The following CUL3 variants were observed in gnomAD, a reference collection of about 807,000 sequenced individuals.
CUL3 encodes cullin-3.
Under a neutral mutation model 89.1 loss-of-function variants are expected in CUL3, and 19 were observed. The ratio of observed to expected loss-of-function variants is 0.21; its 90% CI spans 0.15 to 0.31. The LOEUF is 0.31. Ranked by LOEUF, CUL3 falls within the 10% of genes least tolerant of loss-of-function variation. The pLI is 1.00. For missense variants in CUL3, 469 were observed against 942.3 expected, an observed-to-expected ratio of 0.50 and a Z score of 6.58; for synonymous variants, 351 against 308.4, an observed-to-expected ratio of 1.14 and a Z score of -1.45.
intron 1 of CUL3, 40 bp from the exon 2 acceptor site, chr2:224,557,896 A>AC: frequency 8.7e-7 from 1 of 1,153,512 alleles, no homozygotes; most frequent in Non-Finnish European, 1.2e-6. Flanking sequence ...AAAAAAAAAA[A>AC]AAAAAAAAAC....
Position 224,471,629 on chromosome 2 carries a change from T to A in CUL3, c.*2616A>T, listed in dbSNP as rs182650154. The A allele has an allele frequency of 4.3e-5, 9 of 211,608 alleles. No individual in the cohort carries two copies. In the East Asian group the frequency reaches 5.7e-4, roughly 13 times the overall value. The allele number at this position is 211,608 out of a possible 1,614,324, so 13.1% of individuals were successfully genotyped here. On this transcript the variant is annotated 3_prime_UTR_variant, in exon 16 of 16. Coordinates refer to ENST00000264414, the MANE Select transcript of CUL3 (RefSeq NM_003590.5). Reference sequence around the variant, plus strand: ...TAGCATACCTTTAGAAAGGCATGCATCTCTTCCCCCATTCCCTTTTTAAGT... The same window carrying A: ...TAGCATACCTTTAGAAAGGCATGCAACTCTTCCCCCATTCCCTTTTTAAGT...
At chr2:224,552,529 A>G (rs559733179) in intron 2 of CUL3, among the ~76,000 whole-genome samples, 3 of 152,336 alleles carry the variant, frequency 2.0e-5, no homozygotes, top group African/African-American at 7.2e-5. Context: ...ACAATCAGCT[A>G]CAACAATCCC....
intron 12 of CUL3, among the ~76,000 whole-genome samples, chr2:224,497,188 G>A (rs1211687235): frequency 6.6e-6 from 1 of 151,778 alleles, no homozygotes; most frequent in African/African-American, 2.4e-5. Flanking sequence ...ATTTTCTGAA[G>A]GCAAAAAATC....
intron 15 of CUL3, among the ~76,000 whole-genome samples, chr2:224,476,309 G>A (rs1337395509): frequency 3.3e-5 from 5 of 152,222 alleles, no homozygotes; most frequent in South Asian, 4.1e-4. Flanking sequence ...GAGCCACCGC[G>A]AGTCACACGC....
chr2:224,567,620 G>A (rs1019242852), intron 1 of CUL3, among the ~76,000 whole-genome samples: 1 of 151,766 alleles, frequency 6.6e-6, no homozygotes. Flanking sequence ...GGCGCCTGTC[G>A]TCCCAGCTAC....
Position 224,506,943 on chromosome 2 carries a change from T to C in CUL3, c.944A>G (p.Glu315Gly). 6.2e-7 allele frequency: 1 copy of C among 1,613,572 alleles called. No homozygotes were observed. Reference protein sequence around the residue: ...RVPNGLKTMCECMSSYLREQG... With the variant: ...RVPNGLKTMCGCMSSYLREQG... The stretch of plus-strand genomic sequence containing the variant: ...CTCCCTCAAATAGGAACTCATACAC[T>C]CACACATTGTTTTCAAACCATTTGG... The change falls in exon 7 of 16, where the codon GAG (glutamate) becomes GGG (glycine). Residue 315 changes from glutamate to glycine, a missense_variant. Glu to Gly is a moderately conservative substitution (Grantham distance 98). Around this residue, in one of 4 missense-constraint regions of CUL3, gnomAD observed 370 missense variants for 733.2 expected, o/e 0.50. Transcript: ENST00000264414.
intron 1 of CUL3, among the ~76,000 whole-genome samples, chr2:224,578,795 A>T (rs533279055): frequency 3.2e-4 from 48 of 152,304 alleles, no homozygotes; most frequent in Non-Finnish European, 6.0e-4. Flanking sequence ...ACTAAAGACC[A>T]TCCATGTACT....
At chr2:224,500,627 C>CTTT (rs11350781) in intron 10 of CUL3, 140 bp from the exon 11 acceptor site, 455 of 396,020 alleles carry the variant, frequency 1.1e-3, no homozygotes, top group South Asian at 2.2e-3. Context: ...ATTTTCTTTT[C>CTTT]TTTTTTTTTT....
Position 224,585,311 on chromosome 2 carries a change from G to A in CUL3, c.-302C>T, listed in dbSNP as rs1392953080. On this transcript the variant is annotated 5_prime_UTR_variant, in exon 1 of 16. Coordinates refer to ENST00000264414, the MANE Select transcript of CUL3 (RefSeq NM_003590.5). The stretch of plus-strand genomic sequence containing the variant: ...CTTTATCGCGCTCCTCCGCGATGGC[G>A]GCGGCGGCGGCGACGGACAAACATC... 1.0e-5 allele frequency: 4 copies of A among 401,774 alleles called. No individual in the cohort carries two copies. The highest frequency in any genetic ancestry group is 1.7e-5 in the Non-Finnish European group (4 of 229,148). 24.9% of individuals were successfully genotyped at this position (401,774 alleles called of 1,614,324 possible). A position where few individuals can be genotyped will look rare whatever the true frequency, so the allele number is the denominator to read the frequency against.
At chr2:224,483,398 C>T (rs907048928) in intron 13 of CUL3, among the ~76,000 whole-genome samples, 14 of 151,848 alleles carry the variant, frequency 9.2e-5, no homozygotes, top group Admixed American at 1.3e-4. Context: ...ATGAAATGCC[C>T]CTAAAGTCAT....
At chr2:224,538,315 A>G (rs1693968115) in intron 2 of CUL3, among the ~76,000 whole-genome samples, 1 of 152,252 alleles carries the variant, frequency 6.6e-6, no homozygotes, top group Non-Finnish European at 1.5e-5. Flanking sequence ...TCAAACATAC[A>G]CAATAAAATG....
chr2:224,529,603 C>T (rs954427520), intron 3 of CUL3, among the ~76,000 whole-genome samples: 1 of 151,198 alleles, frequency 6.6e-6, no homozygotes, highest in Non-Finnish European at 1.5e-5. Context: ...TACTCCGAGA[C>T]TCCCTCTCAA....
At chr2:224,503,331 C>T (rs968110560) in intron 9 of CUL3, among the ~76,000 whole-genome samples, 2 of 152,160 alleles carry the variant, frequency 1.3e-5, no homozygotes, top group African/African-American at 4.8e-5. Context: ...AGGTGATTCA[C>T]GTGCAAGTAT....
At chr2:224,578,177 A>G (rs925800152) in intron 1 of CUL3, among the ~76,000 whole-genome samples, 1 of 152,194 alleles carries the variant, frequency 6.6e-6, no homozygotes, top group African/African-American at 2.4e-5. Context: ...TCAAATATTT[A>G]TGTGTCTAAA....
At chr2:224,491,422 G>A (rs1691971304) in intron 13 of CUL3, among the ~76,000 whole-genome samples, 1 of 151,970 alleles carries the variant, frequency 6.6e-6, no homozygotes, top group African/African-American at 2.4e-5. Context: ...TTACTGAAAA[G>A]GTATTTTCTT....
At chr2:224,519,655 TAAA>T (rs2106234168) in intron 3 of CUL3, among the ~76,000 whole-genome samples, 1 of 152,322 alleles carries the variant, frequency 6.6e-6, no homozygotes, top group African/African-American at 2.4e-5. Flanking sequence ...TCATTTATAT[TAAA>T]TGTCTGACAT....
chr2:224,505,477 C>T (rs1692564015), intron 8 of CUL3, among the ~76,000 whole-genome samples: 1 of 152,118 alleles, frequency 6.6e-6, no homozygotes, highest in Admixed American at 6.5e-5. Flanking sequence ...GCTCTGTCGC[C>T]CAGCATAGAG....
intron 1 of CUL3, chr2:224,569,731 A>C: frequency 8.2e-7 from 1 of 1,220,114 alleles, no homozygotes; most frequent in Non-Finnish European, 1.0e-6. Context: ...CTACATCATG[A>C]GACAAATTAA....
In CUL3 at chr2:224,474,380, AAAAAG is replaced by A; in HGVS notation, c.2176-9_2176-5del. On this transcript the variant is annotated splice_region_variant and splice_polypyrimidine_tract_variant and intron_variant, in intron 15 of 15. Transcript: ENST00000264414. The stretch of plus-strand genomic sequence containing the variant: ...GCGCCTTCAACTGCTGAGTTACCTA[AAAAAG>A]AAAGTAGATAGTATTTTTATATAAA... The A allele has an allele frequency of 6.2e-7, 1 of 1,611,726 alleles. No individual in the cohort carries two copies.
Sources: gnomAD v4.1 joint callset for allele counts (sites outside exome capture counted in the v4.1 genomes callset) on GRCh38, gnomAD v4.1.1 for gene constraint, gnomAD v4.1.1 regional missense constraint, MANE v1.5 for transcripts, NCBI Gene and HGNC (gene_info 2026-07-23, HGNC 2026-07-21) for gene names.